IPP: variants seen among roughly 807,000 people sequenced by gnomAD.
IPP encodes the protein actin-binding protein IPP.
IPP carries 41 observed loss-of-function variants against 64.1 expected under a neutral mutation model. The observed-to-expected ratio is 0.64, with a 90% CI of 0.50 to 0.83. The LOEUF is 0.83. Ranked by LOEUF, IPP falls within the 40% of genes least tolerant of loss-of-function variation. The pLI, the probability that IPP is intolerant of heterozygous loss-of-function variation, is 0.00. For missense variants in IPP, 649 were observed against 703.0 expected, an observed-to-expected ratio of 0.92 and a Z score of 0.87; for synonymous variants, 214 against 235.2, an observed-to-expected ratio of 0.91 and a Z score of 0.83.
In IPP at chr1:45,719,249, G is replaced by C. The variant is rs770352046; in HGVS notation, c.1140C>G (p.Arg380=). Reference sequence around the variant, plus strand: ...AACACACACACACTCCTAAGCCGCAGCGGGGATGATTCATCGAAGCTACAG... The same window carrying C: ...AACACACACACACTCCTAAGCCGCACCGGGGATGATTCATCGAAGCTACAG... ...WTTVASMNHP[R]CGLGVCVCYG... The change falls in exon 6 of 9, where the codon CGC becomes CGG. Residue 380 remains arginine (R), a synonymous_variant. Coordinates refer to ENST00000396478, the MANE Select transcript of IPP (RefSeq NM_005897.3). The C allele has an allele frequency of 6.2e-7, 1 of 1,613,928 alleles. No homozygotes were observed. The highest frequency in any genetic ancestry group is 8.5e-7 in the Non-Finnish European group (1 of 1,179,900).
At chr1:45,730,166 G>A (rs1645888133) in intron 3 of IPP, among the ~76,000 whole-genome samples, 1 of 152,012 alleles carries the variant, frequency 6.6e-6, no homozygotes, top group Admixed American at 6.6e-5. Context: ...TGGCCAATGT[G>A]GTGAATGAAA....
rs551929162 is a variant in IPP, at chr1:45,739,060, A to G, written c.724+1841T>C. On this transcript the variant is annotated intron_variant, in intron 3 of 8. Transcript: ENST00000396478. ...TCAACTATATCTGTAGTAAAACAAG[A>G]TATCACTCAGAAAAACCTACAAAAT... Among the ~76,000 whole-genome samples the G allele has an allele frequency of 3.4e-4, 52 of 152,302 alleles. 1 individual carries two copies. The highest frequency in any genetic ancestry group is 1.2e-3 in the African/African-American group (48 of 41,560).
chr1:45,729,839 A>G, intron 3 of IPP, 70 bp from the exon 4 acceptor site: 2 of 908,202 alleles, frequency 2.2e-6, no homozygotes, highest in South Asian at 1.8e-5. Context: ...ACATTTCTAT[A>G]AAGATAAGAT....
At chr1:45,728,027 A>G (rs1645854928) in intron 4 of IPP, among the ~76,000 whole-genome samples, 1 of 152,194 alleles carries the variant, frequency 6.6e-6, no homozygotes, top group African/African-American at 2.4e-5. Context: ...AGAATATTAT[A>G]TGAAATATAA....
chr1:45,733,193 G>A (rs1645933376), intron 3 of IPP, among the ~76,000 whole-genome samples: 1 of 151,786 alleles, frequency 6.6e-6, no homozygotes, highest in Non-Finnish European at 1.5e-5. Context: ...TTGGGAGGCC[G>A]AGGTGGGCAG....
intron 3 of IPP, among the ~76,000 whole-genome samples, chr1:45,733,926 C>T (rs2148574977): frequency 6.6e-6 from 1 of 151,424 alleles, no homozygotes; most frequent in East Asian, 1.9e-4. Context: ...TCAGGAAACA[C>T]AGTAATCATG....
At chr1:45,747,094 T>TAGTGCGCGCATGCGCGCGCACACG (rs1646144433) in intron 1 of IPP, among the ~76,000 whole-genome samples, 2 of 151,886 alleles carry the variant, frequency 1.3e-5, no homozygotes, top group African/African-American at 4.8e-5. Flanking sequence ...ACCCTACTCT[T>TAGTGCGCGCATGCGCGCGCACACG]AGTGCGCGCA....
chr1:45,734,790 T>A (rs1341591359), intron 3 of IPP, among the ~76,000 whole-genome samples: 1 of 152,016 alleles, frequency 6.6e-6, no homozygotes, highest in Non-Finnish European at 1.5e-5. Context: ...TGGCTATTTT[T>A]TTTTCTTTGA....
At chr1:45,743,314 T>C (rs970131179) in intron 2 of IPP, among the ~76,000 whole-genome samples, 4 of 150,762 alleles carry the variant, frequency 2.7e-5, no homozygotes, top group Non-Finnish European at 4.4e-5. Flanking sequence ...CTCTGCTCAC[T>C]GCAACCTCTG....
intron 8 of IPP, among the ~76,000 whole-genome samples, chr1:45,701,486 C>T (rs1007150224): frequency 6.6e-6 from 1 of 152,152 alleles, no homozygotes. Context: ...ACAGTTTCAC[C>T]GTGTTGGCCA....
chr1:45,722,239 G>C (rs775918216), intron 5 of IPP, among the ~76,000 whole-genome samples: 1 of 151,944 alleles, frequency 6.6e-6, no homozygotes, highest in Non-Finnish European at 1.5e-5. Flanking sequence ...GGGTGACAGA[G>C]TGAGACTCCG....
chr1:45,750,010 A>C (rs1212834521), intron 1 of IPP, among the ~76,000 whole-genome samples: 1 of 152,092 alleles, frequency 6.6e-6, no homozygotes, highest in Non-Finnish European at 1.5e-5. Flanking sequence ...TTGTGATCGC[A>C]CCACTGCATT....
intron 3 of IPP, among the ~76,000 whole-genome samples, chr1:45,731,476 C>T (rs553913312): frequency 6.6e-6 from 1 of 152,278 alleles, no homozygotes; most frequent in African/African-American, 2.4e-5. Context: ...GAACACAACA[C>T]ATAGCCTTCA....
intron 5 of IPP, among the ~76,000 whole-genome samples, chr1:45,720,010 C>T (rs28441217): frequency 0.28 from 42,664 of 151,898 alleles, 6,100 homozygotes; most frequent in South Asian, 0.36. Flanking sequence ...GTGTGAGACA[C>T]CGCACCCAGC....
At position 45,729,613 on chromosome 1, in the gene IPP, CCTA is replaced by C. The variant is rs1645877812; in HGVS notation, c.878_880del (p.Val293del). The C allele has an allele frequency of 1.2e-6, 2 of 1,606,986 alleles. No homozygotes were observed. Among genetic ancestry groups the C allele is most frequent in the Non-Finnish European group, 1.7e-6 (2 of 1,176,772 alleles). The stretch of plus-strand genomic sequence containing the variant: ...TATTACTTTTTTAAGGGCTCTCTCA[CCTA>C]CTGCATACAGGTACTTTCTTGCTTT... On this transcript the variant is annotated inframe_deletion and splice_region_variant, in exon 4 of 9. Coordinates refer to ENST00000396478, the MANE Select transcript of IPP (RefSeq NM_005897.3).
At chr1:45,740,189 C>T (rs1646040760) in intron 3 of IPP, among the ~76,000 whole-genome samples, 1 of 152,198 alleles carries the variant, frequency 6.6e-6, no homozygotes, top group Non-Finnish European at 1.5e-5. Context: ...TTTCTTAGCA[C>T]AGAACAAAAT....
intron 8 of IPP, among the ~76,000 whole-genome samples, chr1:45,713,532 C>G (rs1281607086): frequency 6.7e-6 from 1 of 149,292 alleles, no homozygotes; most frequent in Non-Finnish European, 1.5e-5. Context: ...TGCACTCCAG[C>G]TTGGGCAACA....
chr1:45,743,360 C>T (rs1468811851), intron 2 of IPP, among the ~76,000 whole-genome samples: 1 of 151,422 alleles, frequency 6.6e-6, no homozygotes, highest in East Asian at 1.9e-4. Context: ...GGCTCAGCCT[C>T]CTGAGTAGCT....
intron 3 of IPP, among the ~76,000 whole-genome samples, chr1:45,739,678 A>G (rs1258728339): frequency 2.0e-5 from 3 of 152,030 alleles, no homozygotes; most frequent in African/African-American, 7.2e-5. Context: ...TTCAAAGGCT[A>G]CTCAGAGGCC....
Sources: gnomAD v4.1 joint callset for allele counts (sites outside exome capture counted in the v4.1 genomes callset) on GRCh38, gnomAD v4.1.1 for gene constraint, MANE v1.5 for transcripts, NCBI Gene and HGNC (gene_info 2026-07-23, HGNC 2026-07-21) for gene names.